ENGASE: variants seen among roughly 807,000 people sequenced by gnomAD.
ENGASE encodes cytosolic endo-beta-N-acetylglucosaminidase.
ENGASE carries 69 observed loss-of-function variants against 78.5 expected under a neutral mutation model. The observed-to-expected ratio is 0.88, with a 90% CI of 0.72 to 1.07. ENGASE has a LOEUF of 1.07. Among genes scored for constraint, ENGASE ranks in the 50% least tolerant of loss-of-function variants. ENGASE has a pLI of 0.00. For missense variants in ENGASE, 943 were observed against 988.4 expected, an observed-to-expected ratio of 0.95 and a Z score of 0.62; for synonymous variants, 408 against 408.9, an observed-to-expected ratio of 1.00 and a Z score of 0.03.
intron 7 of ENGASE, chr17:79,082,496 G>A (rs1167885922): frequency 1.3e-5 from 16 of 1,204,070 alleles, no homozygotes; most frequent in Non-Finnish European, 1.6e-5. Context: ...GTGTCATGAC[G>A]AGGGAGCATT....
chr17:79,083,802 G>C lies in ENGASE; in HGVS notation c.1293G>C (p.Glu431Asp), dbSNP rs775526191. ...VGPWYHLSAQ[E>D]IQPLFGEHRL... ...CCTGGTACCACCTGAGCGCCCAGGAGATCCAGCCCTTGTTTGGAGAACACA... is the reference window on the plus strand; with the variant it reads ...CCTGGTACCACCTGAGCGCCCAGGACATCCAGCCCTTGTTTGGAGAACACA... Residue 431 changes from glutamate to aspartate, a missense_variant, in exon 10 of 14, where the codon GAG (glutamate) becomes GAC (aspartate). Physicochemically the swap from Glu to Asp is conservative, Grantham distance 45. Coordinates refer to ENST00000579016, the MANE Select transcript of ENGASE (RefSeq NM_001042573.3). The surrounding 1 kb of genome is among the most constrained non-coding windows in gnomAD (Gnocchi z 4.9). 1.2e-6 allele frequency: 2 copies of C among 1,612,288 alleles called. No homozygotes were observed. Among genetic ancestry groups the C allele is most frequent in the Non-Finnish European group, 1.7e-6 (2 of 1,179,456 alleles).
At chr17:79,082,269 A>G in intron 7 of ENGASE, 1 of 1,515,178 alleles carries the variant, frequency 6.6e-7, no homozygotes, top group Non-Finnish European at 8.8e-7. Context: ...GGCTATTTCT[A>G]CAATCAGATA....
At position 79,085,633 on chromosome 17, in the gene ENGASE, AGCCTGCGTGGGT is replaced by A; in HGVS notation, c.1721_1732del (p.Arg574_Leu577del). On this transcript the variant is annotated inframe_deletion, in exon 13 of 14. Coordinates refer to ENST00000579016, the MANE Select transcript of ENGASE (RefSeq NM_001042573.3). Reference sequence around the variant, plus strand: ...TTCGCCCCGTAGCTGCTACGAGGTGAGCCTGCGTGGGTGCCTGCTGCTAGACCTCCTCGTTTG... The same window carrying A: ...TTCGCCCCGTAGCTGCTACGAGGTGAGCCTGCTGCTAGACCTCCTCGTTTG... 6.2e-7 allele frequency: 1 copy of A among 1,613,770 alleles called. No individual in the cohort carries two copies. Among genetic ancestry groups the A allele is most frequent in the Non-Finnish European group, 8.5e-7 (1 of 1,179,982 alleles).
At chr17:79,077,933 C>CTGGGGGGGG in intron 3 of ENGASE, 69 bp downstream of exon 3, 1 of 467,854 alleles carries the variant, frequency 2.1e-6, no homozygotes, top group Non-Finnish European at 4.0e-6. Context: ...GCTGGAGGGG[C>CTGGGGGGGG]GGGAGAGAGT....
chr17:79,075,813 G>A (rs1347626885), intron 1 of ENGASE: 1 of 985,396 alleles, frequency 1.0e-6, no homozygotes, highest in Non-Finnish European at 1.2e-6. Flanking sequence ...AAGGCTGGCT[G>A]CTGGGAAAGA....
At chr17:79,080,899 G>A in intron 5 of ENGASE, 26 bp from the exon 6 acceptor site, 1 of 1,599,002 alleles carries the variant, frequency 6.3e-7, no homozygotes, top group Non-Finnish European at 8.5e-7. Flanking sequence ...GCTCACTGAG[G>A]CTCTCACCTT....
rs878927309 is a variant in ENGASE, at chr17:79,086,787, C to T, written c.*438C>T. 32 of 370,330 alleles carry T rather than the reference C, an allele frequency of 8.6e-5. No individual in the cohort carries two copies. Among genetic ancestry groups the T allele is most frequent in the South Asian group, 4.1e-4 (21 of 51,042 alleles). 22.9% of individuals were successfully genotyped at this position (370,330 alleles called of 1,614,324 possible). Reference sequence around the variant, plus strand: ...TGTGGCAGGTAGGCTTTGGAGCAGGCGCCGAGACATTTCTGAGCATGAGGA... The same window carrying T: ...TGTGGCAGGTAGGCTTTGGAGCAGGTGCCGAGACATTTCTGAGCATGAGGA... On this transcript the variant is annotated 3_prime_UTR_variant, in exon 14 of 14. Coordinates refer to ENST00000579016, the MANE Select transcript of ENGASE (RefSeq NM_001042573.3).
chr17:79,079,222 G>T (rs1257750328), intron 3 of ENGASE, among the ~76,000 whole-genome samples: 2 of 152,186 alleles, frequency 1.3e-5, no homozygotes. Context: ...GGAGTACAGT[G>T]GTACAATCTG....
At chr17:79,075,125 C>CG in intron 1 of ENGASE, 35 bp downstream of exon 1, 1 of 1,202,810 alleles carries the variant, frequency 8.3e-7, no homozygotes, top group South Asian at 4.1e-5. Context: ...CCCCGATCCG[C>CG]GGGGCTGAGA....
chr17:79,079,802 A>G (rs1217728825), intron 4 of ENGASE, among the ~76,000 whole-genome samples, 165 bp downstream of exon 4: 1 of 152,166 alleles, frequency 6.6e-6, no homozygotes, highest in Non-Finnish European at 1.5e-5. Flanking sequence ...CTTTTTCTGG[A>G]AAGGACCAGA....
Position 79,082,066 on chromosome 17 carries a change from G to C in ENGASE, c.1038+3G>C. On this transcript the variant is annotated splice_donor_region_variant and intron_variant, in intron 7 of 13. Coordinates refer to ENST00000579016, the MANE Select transcript of ENGASE (RefSeq NM_001042573.3). Reference sequence around the variant, plus strand: ...GAGGCCGATTCGACACAGACAAGGTGGGTGGTGGCTTTCGTCCAAGGGCCA... The same window carrying C: ...GAGGCCGATTCGACACAGACAAGGTCGGTGGTGGCTTTCGTCCAAGGGCCA... 6.2e-7 allele frequency: 1 copy of C among 1,614,202 alleles called. No individual in the cohort carries two copies. Among genetic ancestry groups the C allele is most frequent in the Non-Finnish European group, 8.5e-7 (1 of 1,180,024 alleles).
rs916975842 is a variant in ENGASE at position 79,087,262 on chromosome 17, G to A, written c.*913G>A. The A allele has an allele frequency of 2.0e-5, 7 of 346,842 alleles. No homozygotes were observed. The highest frequency in any genetic ancestry group is 6.4e-5 in the African/African-American group (3 of 46,568). 21.5% of individuals were successfully genotyped at this position (346,842 alleles called of 1,614,324 possible). Reference sequence around the variant, plus strand: ...TGAGTGCAGGAGCTGCAGGACCCGCGGGGGCTTTTCCAGCTACTCTGTTCC... The same window carrying A: ...TGAGTGCAGGAGCTGCAGGACCCGCAGGGGCTTTTCCAGCTACTCTGTTCC... On this transcript the variant is annotated 3_prime_UTR_variant, in exon 14 of 14. Transcript: ENST00000579016.
chr17:79,087,003 T>C lies in ENGASE; in HGVS notation c.*654T>C, dbSNP rs754905288. On this transcript the variant is annotated 3_prime_UTR_variant, in exon 14 of 14. Transcript: ENST00000579016. ...GTGTTTCCTGGCGTTGGCAATTTAC[T>C]GTGCTGCTGAGTGTGAGGTCATCTC... 2.0e-6 allele frequency: 1 copy of C among 506,810 alleles called. No homozygotes were observed. 31.4% of individuals were successfully genotyped at this position (506,810 alleles called of 1,614,324 possible).
chr17:79,086,067 C>T lies in ENGASE; in HGVS notation c.1950C>T (p.His650=), dbSNP rs1315143996. Residue 650 remains histidine (H), a synonymous_variant, in exon 14 of 14, where the codon CAC becomes CAT. Transcript: ENST00000579016. ...TGCTCCAGCTCAGCTGCACCCTGCACTGGTCCTTCCTCCTCTCACAAGTCC... is the reference window on the plus strand; with the variant it reads ...TGCTCCAGCTCAGCTGCACCCTGCATTGGTCCTTCCTCCTCTCACAAGTCC... The part of the protein sequence containing the change: ...PALLQLSCTL[H]WSFLLSQVRC... 26 of 1,613,432 alleles carry T rather than the reference C, an allele frequency of 1.6e-5. No homozygotes were observed. The highest frequency in any genetic ancestry group is 2.1e-5 in the Non-Finnish European group (25 of 1,180,056).
Position 79,074,964 on chromosome 17 carries a change from C to A in ENGASE, c.20C>A (p.Thr7Lys), listed in dbSNP as rs1298839482. The change falls in exon 1 of 14, where the codon ACG becomes AAG. Residue 7 changes from threonine to lysine, a missense_variant. Coordinates refer to ENST00000579016, the MANE Select transcript of ENGASE (RefSeq NM_001042573.3). ...AGTGTCATGGAGGCCGCGGCGGTGA[C>A]GGTCACCCGGTCGGCTACACGGCGG... is the stretch of plus-strand genomic sequence containing the variant. MEAAAV[T>K]VTRSATRRRR... is the part of the protein sequence containing the mutation. 1 of 1,249,490 alleles carries A rather than the reference C, an allele frequency of 8.0e-7. No individual in the cohort carries two copies. The highest frequency in any genetic ancestry group is 1.0e-6 in the Non-Finnish European group (1 of 997,410). 77.4% of individuals were successfully genotyped at this position (1,249,490 alleles called of 1,614,324 possible).
chr17:79,084,761 G>A, intron 11 of ENGASE, 75 bp downstream of exon 11: 1 of 1,523,910 alleles, frequency 6.6e-7, no homozygotes, highest in South Asian at 1.2e-5. Flanking sequence ...AGAGGCTCCT[G>A]GGGTGTGGGG....
At position 79,086,512 on chromosome 17, in the gene ENGASE, T is replaced by C. The variant is rs886800293; in HGVS notation, c.*163T>C. On this transcript the variant is annotated 3_prime_UTR_variant, in exon 14 of 14. Transcript: ENST00000579016. Reference sequence around the variant, plus strand: ...CGGGCTGAGTGCTGTGGCTTTCTGGTGGGGGGCGATGGAAACAGGAAACCA... The same window carrying C: ...CGGGCTGAGTGCTGTGGCTTTCTGGCGGGGGGCGATGGAAACAGGAAACCA... 53 of 789,302 alleles carry C rather than the reference T, an allele frequency of 6.7e-5. No individual in the cohort carries two copies. Among genetic ancestry groups the C allele is most frequent in the Non-Finnish European group, 9.5e-5 (49 of 513,478 alleles). The allele number at this position is 789,302 out of a possible 1,614,324, so 48.9% of individuals were successfully genotyped here.
chr17:79,076,218 G>T (rs1031764400), intron 1 of ENGASE, among the ~76,000 whole-genome samples: 2 of 152,188 alleles, frequency 1.3e-5, no homozygotes, highest in African/African-American at 4.8e-5. Flanking sequence ...CTCAACGTTG[G>T]TGCCATGGCC....
Position 79,087,265 on chromosome 17 carries a change from G to T in ENGASE, c.*916G>T. The T allele has an allele frequency of 5.8e-6, 2 of 346,264 alleles. No homozygotes were observed. The highest frequency in any genetic ancestry group is 2.2e-5 in the South Asian group (1 of 46,438). 21.4% of individuals were successfully genotyped at this position (346,264 alleles called of 1,614,324 possible). On this transcript the variant is annotated 3_prime_UTR_variant, in exon 14 of 14. Coordinates refer to ENST00000579016, the MANE Select transcript of ENGASE (RefSeq NM_001042573.3). ...GTGCAGGAGCTGCAGGACCCGCGGG[G>T]GCTTTTCCAGCTACTCTGTTCCTTC...
Sources: gnomAD v4.1 joint callset for allele counts (sites outside exome capture counted in the v4.1 genomes callset) on GRCh38, gnomAD v4.1.1 for gene constraint, Gnocchi (gnomAD v3.1) non-coding constraint, MANE v1.5 for transcripts, NCBI Gene and HGNC (gene_info 2026-07-23, HGNC 2026-07-21) for gene names.